Variants in CDH4 observed in about 807,000 individuals in gnomAD.
The protein encoded by CDH4 is cadherin 4.
Under a neutral mutation model 86.0 loss-of-function variants are expected in CDH4, and 33 were observed. The observed-to-expected ratio is 0.38, with a 90% CI of 0.29 to 0.51. The LOEUF (loss-of-function observed/expected upper bound fraction) is 0.51, where lower values mean the gene tolerates loss of function less well. Ranked by LOEUF, CDH4 falls within the 20% of genes least tolerant of loss-of-function variation. The pLI, the probability that CDH4 is intolerant of heterozygous loss-of-function variation, is 0.86. For synonymous variants in CDH4, 555 were observed against 549.4 expected, an observed-to-expected ratio of 1.01 and a Z score of -0.14; for missense variants, 1,114 against 1,307.4, an observed-to-expected ratio of 0.85 and a Z score of 2.28.
chr20:61,273,676 T>C (rs1600823157), intron 2 of CDH4, among the ~76,000 whole-genome samples: 3 of 135,628 alleles, frequency 2.2e-5, no homozygotes, highest in South Asian at 2.5e-4. Context: ...GGCAGTACTG[T>C]GTGCAGTTTG....
At chr20:61,670,961 G>A (rs139756012) in intron 2 of CDH4, among the ~76,000 whole-genome samples, 53 of 152,352 alleles carry the variant, frequency 3.5e-4, no homozygotes, top group Non-Finnish European at 4.3e-4. Context: ...TAAAAAACCT[G>A]TGAGTGTCCA....
rs2055200935 is a variant in CDH4 at position 61,937,070 on chromosome 20, A to G, written c.*127A>G. ...CCTTAGTGCTGTTAGGAGGCCCCCC[A>G]ATCCCCACGTTGAGCTGTCTAGCAT... On this transcript the variant is annotated 3_prime_UTR_variant, in exon 16 of 16. Coordinates refer to ENST00000614565, the MANE Select transcript of CDH4 (RefSeq NM_001794.5). 3 of 716,678 alleles carry G rather than the reference A, an allele frequency of 4.2e-6. No homozygotes were observed. Among genetic ancestry groups the G allele is most frequent in the South Asian group, 5.0e-5 (2 of 39,782 alleles). The allele number at this position is 716,678 out of a possible 1,614,324, so 44.4% of individuals were successfully genotyped here.
At chr20:61,349,680 C>G (rs1016638531) in intron 2 of CDH4, among the ~76,000 whole-genome samples, 1 of 152,148 alleles carries the variant, frequency 6.6e-6, no homozygotes, top group Non-Finnish European at 1.5e-5. Context: ...TTCCATGCCC[C>G]GTGAGGCACG....
chr20:61,289,196 C>T (rs533609285), intron 2 of CDH4, among the ~76,000 whole-genome samples: 15 of 152,330 alleles, frequency 9.8e-5, no homozygotes, highest in Admixed American at 9.8e-4. Context: ...GGGCCTTGTC[C>T]TGGCCTGAAC....
At chr20:61,935,716 G>GTCTC (rs890039139) in intron 15 of CDH4, among the ~76,000 whole-genome samples, 4 of 151,924 alleles carry the variant, frequency 2.6e-5, no homozygotes, top group African/African-American at 9.7e-5. Context: ...TGAGACCCCC[G>GTCTC]TCTCTACTAA....
At chr20:61,360,808 A>G (rs2084779374) in intron 2 of CDH4, among the ~76,000 whole-genome samples, 1 of 152,224 alleles carries the variant, frequency 6.6e-6, no homozygotes, top group Non-Finnish European at 1.5e-5. Context: ...TACGAACTCA[A>G]TTCTAGAAAG....
intron 2 of CDH4, among the ~76,000 whole-genome samples, chr20:61,622,275 G>C (rs1302215461): frequency 6.6e-6 from 1 of 152,278 alleles, no homozygotes. Flanking sequence ...AAAGGACCTA[G>C]GTGGCCGCTG....
At chr20:61,785,851 T>C (rs1349193646) in intron 4 of CDH4, among the ~76,000 whole-genome samples, 2 of 152,222 alleles carry the variant, frequency 1.3e-5, no homozygotes, top group African/African-American at 2.4e-5. Context: ...TGCTAGTGAA[T>C]TTTTAAGCCT....
rs57857397 is a variant in CDH4 at position 61,565,404 on chromosome 20, G to C, written c.170-178159G>C. On this transcript the variant is annotated intron_variant, in intron 2 of 15. Coordinates refer to ENST00000614565, the MANE Select transcript of CDH4 (RefSeq NM_001794.5). ...TCTTGGTGATGGGGTGATGGTGGTG[G>C]CGGTGCTCTTGCTATTGTTGTTGCT... Among the ~76,000 whole-genome samples, 8 of 17,752 alleles carry C rather than the reference G, an allele frequency of 4.5e-4. No individual in the cohort carries two copies. In the African/African-American group the frequency reaches 0.012, roughly 27 times the overall value. The allele number at this position is 17,752 out of a possible 152,430, so 11.6% of individuals were successfully genotyped here. A position where few individuals can be genotyped will look rare whatever the true frequency, so the allele number is the denominator to read the frequency against.
intron 3 of CDH4, among the ~76,000 whole-genome samples, chr20:61,750,907 A>G (rs62200785): frequency 0.072 from 10,939 of 152,286 alleles, 485 homozygotes; most frequent in South Asian, 0.22. Context: ...ATAACTGGGA[A>G]TAAATCTAAC....
chr20:61,758,918 T>G (rs1227093935), intron 3 of CDH4, among the ~76,000 whole-genome samples: 1 of 152,158 alleles, frequency 6.6e-6, no homozygotes, highest in Non-Finnish European at 1.5e-5. Flanking sequence ...CTGGTGTGTG[T>G]GTGCACCTGT....
chr20:61,445,038 C>T (rs1162822158), intron 2 of CDH4, among the ~76,000 whole-genome samples: 2 of 152,018 alleles, frequency 1.3e-5, no homozygotes, highest in Non-Finnish European at 2.9e-5. Context: ...TCTCTGTGTG[C>T]GTGCACGCAT....
chr20:61,414,659 C>T (rs2085137194), intron 2 of CDH4, among the ~76,000 whole-genome samples: 1 of 152,166 alleles, frequency 6.6e-6, no homozygotes, highest in Non-Finnish European at 1.5e-5. Flanking sequence ...TTGCTATAAA[C>T]AGGGGCTTGC....
At chr20:61,519,167 C>T (rs2085849490) in intron 2 of CDH4, among the ~76,000 whole-genome samples, 1 of 152,342 alleles carries the variant, frequency 6.6e-6, no homozygotes, top group South Asian at 2.1e-4. Context: ...ATCCCATTCA[C>T]AGTCCGCAAG....
intron 2 of CDH4, among the ~76,000 whole-genome samples, chr20:61,721,897 G>A (rs1028602453): frequency 2.6e-5 from 4 of 152,128 alleles, no homozygotes; most frequent in African/African-American, 9.7e-5. Flanking sequence ...CCCTGGCTGT[G>A]GGAGGCTCCA....
chr20:61,791,800 A>C (rs1979215977), intron 4 of CDH4, among the ~76,000 whole-genome samples: 1 of 152,018 alleles, frequency 6.6e-6, no homozygotes, highest in African/African-American at 2.4e-5. Context: ...CAGGTCAGGC[A>C]GAGACCCGCA....
intron 2 of CDH4, among the ~76,000 whole-genome samples, chr20:61,381,830 C>G (rs981728131): frequency 7.9e-5 from 12 of 152,240 alleles, no homozygotes; most frequent in African/African-American, 1.4e-4. Flanking sequence ...AATCCTAGCA[C>G]TTTGAGAAGC....
intron 2 of CDH4, among the ~76,000 whole-genome samples, chr20:61,407,307 C>A (rs1214386165): frequency 6.6e-6 from 1 of 152,190 alleles, no homozygotes; most frequent in Admixed American, 6.5e-5. Flanking sequence ...CTTAGAGAAG[C>A]CGTGCCTGCC....
chr20:61,617,966 G>C (rs2086739134), intron 2 of CDH4, among the ~76,000 whole-genome samples: 1 of 152,198 alleles, frequency 6.6e-6, no homozygotes, highest in African/African-American at 2.4e-5. Context: ...TTTGGAAGGG[G>C]TTTCCCCTTT....
Sources: allele counts gnomAD v4.1 joint callset (sites outside exome capture counted in the v4.1 genomes callset), GRCh38; gene constraint gnomAD v4.1.1; transcripts MANE v1.5; gene names NCBI Gene and HGNC (gene_info 2026-07-23, HGNC 2026-07-21).